The following TRAF3 variants were observed in gnomAD, a reference collection of about 807,000 sequenced individuals.
The protein encoded by TRAF3 is TNF receptor-associated factor 3.
Under a neutral mutation model 62.3 loss-of-function variants are expected in TRAF3, and 13 were observed. The observed-to-expected ratio is 0.21, with a 90% CI of 0.14 to 0.33. TRAF3 has a LOEUF of 0.33. Among genes scored for constraint, TRAF3 ranks in the 10% least tolerant of loss-of-function variants. The pLI is 1.00. For missense variants in TRAF3, 440 were observed against 741.8 expected (o/e 0.59, Z 4.73); for synonymous variants, 269 against 283.4 (o/e 0.95, Z 0.51).
intron 1 of TRAF3, among the ~76,000 whole-genome samples, chr14:102,819,360 C>T (rs1372826983): frequency 7.2e-5 from 11 of 152,178 alleles, no homozygotes; most frequent in South Asian, 2.1e-4. Context: ...TTGTGTTTGC[C>T]GTGTGAGCCG....
At chr14:102,839,028 G>T (rs1170301787) in intron 2 of TRAF3, among the ~76,000 whole-genome samples, 1 of 152,034 alleles carries the variant, frequency 6.6e-6, no homozygotes, top group Non-Finnish European at 1.5e-5. Context: ...AGAATCTGTG[G>T]AAATCGGCTC....
At chr14:102,851,478 C>T (rs1887034067) in intron 2 of TRAF3, among the ~76,000 whole-genome samples, 1 of 152,226 alleles carries the variant, frequency 6.6e-6, no homozygotes, top group South Asian at 2.1e-4. Flanking sequence ...GGCGCAGTGG[C>T]TCAGGCCTGT....
chr14:102,905,496 GT>G lies in TRAF3; in HGVS notation c.1425del (p.Phe475LeufsTer20). ...TGGGGAAGGGGACGCACTTGTCGCT[GT>G]TTTTTGTCATCATGCGTGGAGAATA... is the stretch of plus-strand genomic sequence containing the variant. ...GMGKGTHLSL[F>X]FVIMRGEYDA... On this transcript the variant is annotated frameshift_variant, in exon 12 of 12. Coordinates refer to ENST00000392745, the MANE Select transcript of TRAF3 (RefSeq NM_145725.3). LOFTEE classifies it high-confidence loss of function. 1 of 1,614,234 alleles carries G rather than the reference GT, an allele frequency of 6.2e-7. No individual in the cohort carries two copies. Among genetic ancestry groups the G allele is most frequent in the Non-Finnish European group, 8.5e-7 (1 of 1,180,046 alleles).
chr14:102,877,126 C>T lies in TRAF3; in HGVS notation c.570+601C>T, dbSNP rs1354430094. On this transcript the variant is annotated intron_variant, in intron 6 of 11. Coordinates refer to ENST00000392745, the MANE Select transcript of TRAF3 (RefSeq NM_145725.3). Reference sequence around the variant, plus strand: ...ATAGATAATCTGTTCCACAGGCCTTCCCTCAACTCATAGATAATCCGTTCC... The same window carrying T: ...ATAGATAATCTGTTCCACAGGCCTTTCCTCAACTCATAGATAATCCGTTCC... Among the ~76,000 whole-genome samples, 3 of 150,272 alleles carry T rather than the reference C, an allele frequency of 2.0e-5. No homozygotes were observed. In the East Asian group the frequency reaches 5.8e-4, roughly 29 times the overall value.
intron 1 of TRAF3, among the ~76,000 whole-genome samples, chr14:102,821,040 C>T (rs190262076): frequency 2.0e-5 from 3 of 152,230 alleles, no homozygotes; most frequent in African/African-American, 7.2e-5. Flanking sequence ...ACTAAATATG[C>T]ATATCTCAAG....
chr14:102,800,799 G>C (rs1217372858), intron 1 of TRAF3, among the ~76,000 whole-genome samples: 1 of 149,924 alleles, frequency 6.7e-6, no homozygotes, highest in Non-Finnish European at 1.5e-5. Flanking sequence ...GATCTCAAGA[G>C]ATCTTCCCAC....
At chr14:102,823,664 C>A (rs1318878265) in intron 1 of TRAF3, among the ~76,000 whole-genome samples, 1 of 152,224 alleles carries the variant, frequency 6.6e-6, no homozygotes, top group Non-Finnish European at 1.5e-5. Flanking sequence ...GATTGGGTGA[C>A]CTGCATCTCA....
At chr14:102,840,623 TTA>T (rs1040948321) in intron 2 of TRAF3, among the ~76,000 whole-genome samples, 7 of 152,164 alleles carry the variant, frequency 4.6e-5, no homozygotes, top group African/African-American at 1.7e-4. Flanking sequence ...ATTATCGATA[TTA>T]TATATAAAAC....
rs1485646711 is a variant in TRAF3, at chr14:102,780,519, C to T, written c.-157+2844C>T. On this transcript the variant is annotated intron_variant, in intron 1 of 11. Transcript: ENST00000392745. ...AGTTTTTTACTATTAAGCATAATAC[C>T]TTTTTTTTTTTTCTTTCGGTGAAGC... 5.8e-4 allele frequency among the ~76,000 whole-genome samples: 85 copies of T among 146,608 alleles called. 2 individuals are homozygous for T. Among genetic ancestry groups the T allele is most frequent in the Admixed American group, 5.8e-3 (85 of 14,724 alleles).
intron 1 of TRAF3, among the ~76,000 whole-genome samples, chr14:102,786,413 T>C (rs2140069445): frequency 6.6e-6 from 1 of 152,266 alleles, no homozygotes; most frequent in South Asian, 2.1e-4. Flanking sequence ...CTGGGCTGGG[T>C]GCGGAGGTTC....
chr14:102,872,803 TG>T (rs1566787665), intron 4 of TRAF3, among the ~76,000 whole-genome samples: 3 of 152,010 alleles, frequency 2.0e-5, no homozygotes, highest in Admixed American at 1.3e-4. Context: ...GCAATTCTCA[TG>T]CCGCAGCCTC....
In TRAF3 at chr14:102,871,941, G is replaced by A. The variant is rs149018928; in HGVS notation, c.270G>A (p.Ala90=). The A allele has an allele frequency of 6.3e-5, 101 of 1,614,168 alleles. 4 individuals are homozygous for A. The South Asian group carries it at 6.6e-4, about 11-fold the overall frequency. The change falls in exon 4 of 12, where the codon GCG becomes GCA. Residue 90 remains alanine, a synonymous_variant. Coordinates refer to ENST00000392745, the MANE Select transcript of TRAF3 (RefSeq NM_145725.3). ...LLSSSSPKCT[A]CQESIVKDKV... ...GCTCTTCAAGTCCAAAATGTACAGC[G>A]TGTCAAGAGAGCATCGTTAAAGATA...
intron 2 of TRAF3, among the ~76,000 whole-genome samples, chr14:102,831,763 TG>T (rs1900704586): frequency 6.6e-6 from 1 of 152,174 alleles, no homozygotes; most frequent in Non-Finnish European, 1.5e-5. Flanking sequence ...TTTTTTGGCC[TG>T]GGATTTTGAG....
At position 102,876,374 on chromosome 14, in the gene TRAF3, A is replaced by T; in HGVS notation, c.419A>T (p.Asp140Val). The change falls in exon 6 of 12, where the codon GAT becomes GTT. Residue 140 changes from aspartate (D) to valine (V), a missense_variant. Asp to Val is a radical substitution (Grantham distance 152, BLOSUM62 -3). Coordinates refer to ENST00000392745, the MANE Select transcript of TRAF3 (RefSeq NM_145725.3). ...LGHLLVHLKN[D>V]CHFEELPCVR... Reference sequence around the variant, plus strand: ...GTCTTACAGGTGCATTTAAAAAATGATTGCCATTTTGAAGAACTTCCATGT... The same window carrying T: ...GTCTTACAGGTGCATTTAAAAAATGTTTGCCATTTTGAAGAACTTCCATGT... 1.9e-6 allele frequency: 3 copies of T among 1,614,208 alleles called. No homozygotes were observed. The highest frequency in any genetic ancestry group is 2.5e-6 in the Non-Finnish European group (3 of 1,180,028).
At chr14:102,819,131 CCTT>C (rs1365454842) in intron 1 of TRAF3, among the ~76,000 whole-genome samples, 21 of 151,870 alleles carry the variant, frequency 1.4e-4, no homozygotes, top group Non-Finnish European at 1.2e-4. Flanking sequence ...AGCCCTGCAT[CCTT>C]CTCCCTTCCC....
intron 2 of TRAF3, among the ~76,000 whole-genome samples, chr14:102,842,105 C>T (rs555221176): frequency 3.0e-4 from 46 of 151,566 alleles, no homozygotes; most frequent in African/African-American, 8.7e-4. Context: ...ATTAGCCGGG[C>T]GTGGTGCAGG....
chr14:102,880,397 A>G (rs767378976), intron 6 of TRAF3, among the ~76,000 whole-genome samples: 1 of 152,242 alleles, frequency 6.6e-6, no homozygotes, highest in African/African-American at 2.4e-5. Flanking sequence ...GGCTTTACAT[A>G]TGTTAATATG....
intron 6 of TRAF3, among the ~76,000 whole-genome samples, chr14:102,883,041 A>G (rs922404386): frequency 1.3e-5 from 2 of 152,222 alleles, no homozygotes; most frequent in African/African-American, 4.8e-5. Flanking sequence ...TTGGAAATCA[A>G]CTGTCAGTAT....
At chr14:102,797,992 C>T (rs1310944222) in intron 1 of TRAF3, among the ~76,000 whole-genome samples, 1 of 152,048 alleles carries the variant, frequency 6.6e-6, no homozygotes, top group Non-Finnish European at 1.5e-5. Context: ...CTGCCTCGGC[C>T]TCTCAGAGTG....
Sources: allele counts gnomAD v4.1 joint callset (sites outside exome capture counted in the v4.1 genomes callset), GRCh38; gene constraint gnomAD v4.1.1; transcripts MANE v1.5; gene names NCBI Gene and HGNC (gene_info 2026-07-23, HGNC 2026-07-21).